BMPR2: variants seen among roughly 807,000 people sequenced by gnomAD.
BMPR2 encodes the protein bone morphogenetic protein receptor type-2.
A neutral mutation model predicts 100.8 loss-of-function variants in BMPR2; 29 were observed. The ratio of observed to expected loss-of-function variants is 0.29; its 90% CI spans 0.21 to 0.39. The LOEUF is 0.39. Among genes scored for constraint, BMPR2 ranks in the 10% least tolerant of loss-of-function variants. The probability of loss-of-function intolerance (pLI) is 1.00; values close to 1 mark genes in which losing one functional copy is unlikely to be tolerated. For synonymous variants in BMPR2, 382 were observed against 442.3 expected, an observed-to-expected ratio of 0.86 and a Z score of 1.71; for missense variants, 1,011 against 1,274.5, an observed-to-expected ratio of 0.79 and a Z score of 3.15.
In BMPR2 at chr2:202,437,398, T is replaced by A. The variant is rs182944832; in HGVS notation, c.77-27411T>A. Among the ~76,000 whole-genome samples the A allele has an allele frequency of 6.0e-5, 9 of 150,972 alleles. 1 individual carries two copies. Among genetic ancestry groups the A allele is most frequent in the East Asian group, 5.8e-4 (3 of 5,192 alleles). On this transcript the variant is annotated intron_variant, in intron 1 of 12. Transcript: ENST00000374580. ...TGTTGCAATAAATTTTAACTTTTTTTATGTTATTTTATAAAATTGTTTCCA... is the reference window on the plus strand; with the variant it reads ...TGTTGCAATAAATTTTAACTTTTTTAATGTTATTTTATAAAATTGTTTCCA...
intron 3 of BMPR2, among the ~76,000 whole-genome samples, chr2:202,482,687 C>T (rs1452667659): frequency 2.6e-5 from 4 of 151,982 alleles, no homozygotes; most frequent in Non-Finnish European, 2.9e-5. Flanking sequence ...TACAGGCACC[C>T]GCCACTATGT....
intron 10 of BMPR2, 67 bp downstream of exon 10, chr2:202,542,514 A>G: frequency 6.4e-7 from 1 of 1,561,664 alleles, no homozygotes. Context: ...TGTTTGAAAC[A>G]AAAATAGACT....
intron 1 of BMPR2, among the ~76,000 whole-genome samples, chr2:202,418,985 CATGTG>C (rs1017367556): frequency 6.6e-6 from 1 of 152,118 alleles, no homozygotes; most frequent in Non-Finnish European, 1.5e-5. Context: ...CCTTATCTGT[CATGTG>C]ATGTTATGTC....
intron 1 of BMPR2, among the ~76,000 whole-genome samples, chr2:202,410,642 C>T (rs552806810): frequency 2.6e-5 from 4 of 152,256 alleles, no homozygotes; most frequent in East Asian, 1.9e-4. Flanking sequence ...TGCAGTGGCA[C>T]GATCTGGGCT....
intron 5 of BMPR2, among the ~76,000 whole-genome samples, chr2:202,518,127 C>CTTT (rs35869694): frequency 5.2e-5 from 4 of 77,048 alleles, no homozygotes; most frequent in African/African-American, 2.2e-4. Flanking sequence ...CGCCTGGCCT[C>CTTT]TTTTTTTTTT....
In BMPR2 at chr2:202,501,450, T is replaced by C. The variant is rs1279738003; in HGVS notation, c.419-12269T>C. Reference sequence around the variant, plus strand: ...CAGGCTCTAGTACAAGCTCCAGCTTTAAGGCTTCCCACAGGACAGAACTTC... The same window carrying C: ...CAGGCTCTAGTACAAGCTCCAGCTTCAAGGCTTCCCACAGGACAGAACTTC... On this transcript the variant is annotated intron_variant, in intron 3 of 12. Coordinates refer to ENST00000374580, the MANE Select transcript of BMPR2 (RefSeq NM_001204.7). Among the ~76,000 whole-genome samples, 4 of 152,284 alleles carry C rather than the reference T, an allele frequency of 2.6e-5. No homozygotes were observed. The East Asian group carries it at 5.8e-4, about 22-fold the overall frequency.
At chr2:202,458,569 A>T (rs1486269516) in intron 1 of BMPR2, among the ~76,000 whole-genome samples, 1 of 152,096 alleles carries the variant, frequency 6.6e-6, no homozygotes, top group African/African-American at 2.4e-5. Flanking sequence ...ATTCTGTCAA[A>T]TTGTCCTCTT....
chr2:202,381,903 GAAATTGAATATTGATCTCTAAT>G (rs1427362740), intron 1 of BMPR2, among the ~76,000 whole-genome samples: 1 of 151,618 alleles, frequency 6.6e-6, no homozygotes. Context: ...AAAAAGAGAA[GAAATTGAATATTGATCTCTAAT>G]GGGTAAATTC....
At chr2:202,512,956 A>G (rs930845008) in intron 3 of BMPR2, among the ~76,000 whole-genome samples, 2 of 151,894 alleles carry the variant, frequency 1.3e-5, no homozygotes, top group Non-Finnish European at 2.9e-5. Context: ...TTTAAAAAAA[A>G]ACTTTAATTT....
In BMPR2 at chr2:202,560,169, C is replaced by T. The variant is rs952483160; in HGVS notation, c.*223C>T. 3.0e-5 allele frequency: 17 copies of T among 558,264 alleles called. No homozygotes were observed. The highest frequency in any genetic ancestry group is 1.9e-4 in the South Asian group (9 of 47,760). 34.6% of individuals were successfully genotyped at this position (558,264 alleles called of 1,614,324 possible). On this transcript the variant is annotated 3_prime_UTR_variant, in exon 13 of 13. Coordinates refer to ENST00000374580, the MANE Select transcript of BMPR2 (RefSeq NM_001204.7). ...TAAGTTTTGCACTTTTGTTTAGTCT[C>T]GCTAAAGTTATATTTGTCTGTTATG...
intron 1 of BMPR2, among the ~76,000 whole-genome samples, chr2:202,434,338 C>G (rs903694111): frequency 6.6e-6 from 1 of 150,554 alleles, no homozygotes; most frequent in African/African-American, 2.5e-5. Context: ...GCAAAATGGA[C>G]TGGTCATGGC....
intron 1 of BMPR2, among the ~76,000 whole-genome samples, chr2:202,434,921 ATATATATATATATATT>A (rs1426358942): frequency 4.6e-4 from 54 of 118,104 alleles, no homozygotes; most frequent in Non-Finnish European, 5.8e-4. Context: ...ATATATATAT[ATATATATATATATATT>A]TATTTATTTA....
At chr2:202,401,623 A>G (rs1690770407) in intron 1 of BMPR2, among the ~76,000 whole-genome samples, 2 of 152,218 alleles carry the variant, frequency 1.3e-5, no homozygotes. Flanking sequence ...AATCTTCATT[A>G]TATAACATTT....
chr2:202,385,348 T>TA (rs1419683025), intron 1 of BMPR2, among the ~76,000 whole-genome samples: 3 of 138,734 alleles, frequency 2.2e-5, no homozygotes, highest in Non-Finnish European at 4.7e-5. Context: ...TTCTTCTAAT[T>TA]AAAAAAAAGA....
At chr2:202,456,767 G>A (rs1177469050) in intron 1 of BMPR2, among the ~76,000 whole-genome samples, 2 of 151,934 alleles carry the variant, frequency 1.3e-5, no homozygotes, top group Admixed American at 6.6e-5. Context: ...CACCAGCCTC[G>A]GCCTCCTAAA....
At chr2:202,410,007 CA>C (rs1207577612) in intron 1 of BMPR2, among the ~76,000 whole-genome samples, 1 of 151,248 alleles carries the variant, frequency 6.6e-6, no homozygotes, top group African/African-American at 2.4e-5. Flanking sequence ...TTTTTTTTGA[CA>C]GTGTCTCACC....
Position 202,561,503 on chromosome 2 carries a change from C to G in BMPR2, c.*1557C>G, listed in dbSNP as rs549090589. 5.9e-5 allele frequency: 9 copies of G among 151,874 alleles called. No individual in the cohort carries two copies. The highest frequency in any genetic ancestry group is 1.2e-4 in the Non-Finnish European group (8 of 67,938). 9.4% of individuals were successfully genotyped at this position (151,874 alleles called of 1,614,324 possible). ...GTCAAATAATGGACTTTTTTCTAAACAGAAATTATTTTCTATTAATTTGCA... is the reference window on the plus strand; with the variant it reads ...GTCAAATAATGGACTTTTTTCTAAAGAGAAATTATTTTCTATTAATTTGCA... On this transcript the variant is annotated 3_prime_UTR_variant, in exon 13 of 13. Coordinates refer to ENST00000374580, the MANE Select transcript of BMPR2 (RefSeq NM_001204.7).
At chr2:202,382,759 G>A (rs1281768606) in intron 1 of BMPR2, among the ~76,000 whole-genome samples, 1 of 152,188 alleles carries the variant, frequency 6.6e-6, no homozygotes, top group East Asian at 1.9e-4. Context: ...GGGAGTTAAT[G>A]AGACCTAGAT....
At chr2:202,396,195 C>T (rs1288293245) in intron 1 of BMPR2, among the ~76,000 whole-genome samples, 1 of 152,200 alleles carries the variant, frequency 6.6e-6, no homozygotes, top group Non-Finnish European at 1.5e-5. Flanking sequence ...ATCATCCCTA[C>T]AGCCACTCAG....
Sources: gnomAD v4.1 joint callset for allele counts (sites outside exome capture counted in the v4.1 genomes callset) on GRCh38, gnomAD v4.1.1 for gene constraint, MANE v1.5 for transcripts, NCBI Gene and HGNC (gene_info 2026-07-23, HGNC 2026-07-21) for gene names.